The following ZZZ3 variants were observed in gnomAD, a reference collection of about 807,000 sequenced individuals.
The protein encoded by ZZZ3 is zinc finger ZZ-type containing 3, also known as ZZ-type zinc finger-containing protein 3.
A neutral mutation model predicts 95.2 loss-of-function variants in ZZZ3; 22 were observed. That is an observed-to-expected ratio of 0.23 (90% CI 0.17 to 0.33). The LOEUF is 0.33. Among genes scored for constraint, ZZZ3 ranks in the 10% least tolerant of loss-of-function variants. The probability of loss-of-function intolerance (pLI) is 1.00; values close to 1 mark genes in which losing one functional copy is unlikely to be tolerated. For synonymous variants in ZZZ3, 335 were observed against 358.9 expected, an observed-to-expected ratio of 0.93 and a Z score of 0.75; for missense variants, 885 against 1,066.5, an observed-to-expected ratio of 0.83 and a Z score of 2.37.
chr1:77,643,122 G>C (rs1445565977), intron 1 of ZZZ3, among the ~76,000 whole-genome samples: 1 of 151,924 alleles, frequency 6.6e-6, no homozygotes, highest in Non-Finnish European at 1.5e-5. Context: ...GATCCTTAGA[G>C]GGGCAGTGAG....
At chr1:77,569,783 A>G (rs1661192433) in intron 12 of ZZZ3, among the ~76,000 whole-genome samples, 1 of 152,088 alleles carries the variant, frequency 6.6e-6, no homozygotes, top group East Asian at 1.9e-4. Context: ...CCAAATAATC[A>G]GCTTATTTTT....
At chr1:77,573,710 C>T (rs1661643466) in intron 12 of ZZZ3, among the ~76,000 whole-genome samples, 1 of 152,014 alleles carries the variant, frequency 6.6e-6, no homozygotes, top group Admixed American at 6.6e-5. Flanking sequence ...TTTATGAATA[C>T]AGTTATTAAG....
chr1:77,678,257 T>TCTATTACATCTATTACTCCCAAA (rs1362447965), intron 1 of ZZZ3, among the ~76,000 whole-genome samples: 1 of 152,200 alleles, frequency 6.6e-6, no homozygotes, highest in Non-Finnish European at 1.5e-5. Flanking sequence ...AATAGAGCCT[T>TCTATTACATCTATTACTCCCAAA]GTTTGGGAGT....
chr1:77,576,483 C>T (rs928694554), intron 11 of ZZZ3, among the ~76,000 whole-genome samples: 1 of 151,868 alleles, frequency 6.6e-6, no homozygotes, highest in Non-Finnish European at 1.5e-5. Context: ...TATTTGTATC[C>T]CCAGCATTTA....
chr1:77,609,090 G>A (rs993423853), intron 5 of ZZZ3, among the ~76,000 whole-genome samples: 1 of 152,030 alleles, frequency 6.6e-6, no homozygotes, highest in African/African-American at 2.4e-5. Context: ...ACACAGACTG[G>A]CTGAACGGAT....
intron 5 of ZZZ3, among the ~76,000 whole-genome samples, chr1:77,617,831 G>A (rs1477369540): frequency 6.6e-6 from 1 of 151,178 alleles, no homozygotes; most frequent in African/African-American, 2.4e-5. Flanking sequence ...TGTAGTCTCA[G>A]CTACTTGGGA....
intron 5 of ZZZ3, among the ~76,000 whole-genome samples, chr1:77,616,566 A>T (rs1342518339): frequency 6.6e-6 from 1 of 152,202 alleles, no homozygotes; most frequent in Non-Finnish European, 1.5e-5. Context: ...CTCTACTGGT[A>T]AAAAATTAAA....
intron 1 of ZZZ3, among the ~76,000 whole-genome samples, chr1:77,653,343 C>G (rs1669977259): frequency 6.6e-6 from 1 of 152,184 alleles, no homozygotes; most frequent in Non-Finnish European, 1.5e-5. Flanking sequence ...TGCAAGTATT[C>G]TGCAATTAGG....
At chr1:77,635,292 T>G (rs1033954885) in intron 4 of ZZZ3, among the ~76,000 whole-genome samples, 5 of 152,186 alleles carry the variant, frequency 3.3e-5, no homozygotes, top group African/African-American at 1.2e-4. Flanking sequence ...TAATTAACAA[T>G]TTTTTTAAAT....
chr1:77,576,031 C>T, intron 12 of ZZZ3, 37 bp downstream of exon 12: 3 of 1,534,264 alleles, frequency 2.0e-6, no homozygotes, highest in East Asian at 2.3e-5. Flanking sequence ...CTCTTCTATA[C>T]CTTGATGTAT....
intron 12 of ZZZ3, among the ~76,000 whole-genome samples, chr1:77,571,053 TTAAG>T (rs1661338853): frequency 6.6e-6 from 1 of 152,222 alleles, no homozygotes; most frequent in East Asian, 1.9e-4. Flanking sequence ...AAAGACAACA[TTAAG>T]TAATGCTATA....
At chr1:77,647,779 G>A (rs1380790112) in intron 1 of ZZZ3, among the ~76,000 whole-genome samples, 1 of 152,094 alleles carries the variant, frequency 6.6e-6, no homozygotes, top group Non-Finnish European at 1.5e-5. Flanking sequence ...CATATAGTCA[G>A]GAACAACTGG....
chr1:77,671,435 A>C (rs1286284857), intron 1 of ZZZ3, among the ~76,000 whole-genome samples: 1 of 152,206 alleles, frequency 6.6e-6, no homozygotes, highest in African/African-American at 2.4e-5. Flanking sequence ...TGGCACTGAA[A>C]CAAGGAAGGA....
intron 5 of ZZZ3, among the ~76,000 whole-genome samples, chr1:77,611,479 C>A (rs922957958): frequency 6.6e-6 from 1 of 151,748 alleles, no homozygotes; most frequent in Non-Finnish European, 1.5e-5. Context: ...ATAGAAAAAA[C>A]AATCCTAAAA....
At chr1:77,567,662 A>T (rs1404603029) in intron 13 of ZZZ3, among the ~76,000 whole-genome samples, 1 of 152,240 alleles carries the variant, frequency 6.6e-6, no homozygotes, top group Non-Finnish European at 1.5e-5. Flanking sequence ...GAATGAAAAC[A>T]GAGTAAGGGC....
rs142994490 is a variant in ZZZ3 at position 77,592,974 on chromosome 1, C to T, written c.1506-8319G>A. Among the ~76,000 whole-genome samples, 788 of 152,268 alleles carry T rather than the reference C, an allele frequency of 5.2e-3. 7 individuals carry two copies. Among genetic ancestry groups the T allele is most frequent in the African/African-American group, 0.018 (754 of 41,552 alleles). ...AGAAAGATAAAACATGTTTTTGGGGCACTTTTGCCTGGAGCAATTTATTGA... is the reference window on the plus strand; with the variant it reads ...AGAAAGATAAAACATGTTTTTGGGGTACTTTTGCCTGGAGCAATTTATTGA... On this transcript the variant is annotated intron_variant, in intron 5 of 14. Coordinates refer to ENST00000370801, the MANE Select transcript of ZZZ3 (RefSeq NM_015534.6).
intron 12 of ZZZ3, among the ~76,000 whole-genome samples, chr1:77,574,676 A>T (rs1229712725): frequency 6.6e-6 from 1 of 152,210 alleles, no homozygotes; most frequent in East Asian, 1.9e-4. Flanking sequence ...GCTATTAAAC[A>T]CTATTAGAGT....
At chr1:77,590,881 G>A (rs1291903273) in intron 5 of ZZZ3, among the ~76,000 whole-genome samples, 2 of 152,198 alleles carry the variant, frequency 1.3e-5, no homozygotes, top group Admixed American at 1.3e-4. Context: ...CATTGTACCA[G>A]ATGGGAAGGA....
At chr1:77,667,618 A>G (rs920977059) in intron 1 of ZZZ3, among the ~76,000 whole-genome samples, 16 of 151,988 alleles carry the variant, frequency 1.1e-4, no homozygotes, top group East Asian at 1.9e-4. Flanking sequence ...CTCTTCATAC[A>G]TTACATAGAT....
Sources: allele counts gnomAD v4.1 joint callset (sites outside exome capture counted in the v4.1 genomes callset), GRCh38; gene constraint gnomAD v4.1.1; transcripts MANE v1.5; gene names NCBI Gene and HGNC (gene_info 2026-07-23, HGNC 2026-07-21).